Variants in PRKG1 observed in about 807,000 individuals in gnomAD.
PRKG1 encodes the protein protein kinase cGMP-dependent 1, also known as cGMP-dependent protein kinase 1.
A neutral mutation model predicts 88.1 loss-of-function variants in PRKG1; 35 were observed. That is an observed-to-expected ratio of 0.40 (90% CI 0.30 to 0.53). The LOEUF (loss-of-function observed/expected upper bound fraction) is 0.53. Ranked by LOEUF, PRKG1 falls within the 20% of genes least tolerant of loss-of-function variation. The probability of loss-of-function intolerance (pLI) is 0.59; values close to 1 mark genes in which losing one functional copy is unlikely to be tolerated. For missense variants in PRKG1, 540 were observed against 839.8 expected (o/e 0.64, Z 4.41); for synonymous variants, 303 against 292.5 (o/e 1.04, Z -0.37).
At chr10:51,036,109 C>T (rs1172982528) in intron 1 of PRKG1, among the ~76,000 whole-genome samples, 1 of 151,992 alleles carries the variant, frequency 6.6e-6, no homozygotes, top group East Asian at 1.9e-4. Context: ...CCTTGCTGTC[C>T]CCTTGCCTCT....
chr10:51,316,709 TAAAA>T (rs1841331165), intron 2 of PRKG1, among the ~76,000 whole-genome samples: 1 of 151,784 alleles, frequency 6.6e-6, no homozygotes, highest in Non-Finnish European at 1.5e-5. Flanking sequence ...AATAAATAAA[TAAAA>T]AGACAAAAAT....
intron 10 of PRKG1, among the ~76,000 whole-genome samples, chr10:52,268,978 G>T (rs185779136): frequency 5.3e-5 from 8 of 151,910 alleles, no homozygotes; most frequent in Non-Finnish European, 1.0e-4. Context: ...TGCTTAGACT[G>T]AGAGGGACTA....
intron 5 of PRKG1, among the ~76,000 whole-genome samples, chr10:51,932,441 A>G (rs1049420175): frequency 6.6e-6 from 1 of 152,168 alleles, no homozygotes; most frequent in Non-Finnish European, 1.5e-5. Flanking sequence ...GGACAACTCT[A>G]TGAAGTAAGT....
chr10:51,938,561 T>G (rs1037559994), intron 5 of PRKG1, among the ~76,000 whole-genome samples: 1 of 152,034 alleles, frequency 6.6e-6, no homozygotes, highest in Non-Finnish European at 1.5e-5. Flanking sequence ...TCTTAAGCAT[T>G]CCTTTCTTCT....
At chr10:51,937,356 C>T (rs939735571) in intron 5 of PRKG1, among the ~76,000 whole-genome samples, 4 of 152,034 alleles carry the variant, frequency 2.6e-5, no homozygotes, top group Non-Finnish European at 4.4e-5. Flanking sequence ...GACTCTCTCT[C>T]CTGCAATGTT....
At chr10:51,771,397 G>A (rs990674915) in intron 3 of PRKG1, among the ~76,000 whole-genome samples, 8 of 152,018 alleles carry the variant, frequency 5.3e-5, no homozygotes, top group South Asian at 2.1e-4. Flanking sequence ...TTTGCTTTCC[G>A]TTCTCTGGGT....
At chr10:50,994,168 A>T in intron 1 of PRKG1, among the ~76,000 whole-genome samples, 1 of 152,158 alleles carries the variant, frequency 6.6e-6, no homozygotes, top group South Asian at 2.1e-4. Context: ...TTTGACAGGT[A>T]TAATATATGG....
chr10:51,397,125 ATTTT>A (rs35688462), intron 2 of PRKG1, among the ~76,000 whole-genome samples: 7 of 126,084 alleles, frequency 5.6e-5, no homozygotes, highest in Admixed American at 8.1e-5. Context: ...ATTACTGAGT[ATTTT>A]TTTTTTTTTT....
At chr10:51,312,201 A>G (rs1360153258) in intron 2 of PRKG1, among the ~76,000 whole-genome samples, 1 of 152,158 alleles carries the variant, frequency 6.6e-6, no homozygotes, top group Non-Finnish European at 1.5e-5. Flanking sequence ...TCTCTTTGCA[A>G]CAACCTGAGT....
chr10:51,829,684 A>G (rs1839958211), intron 4 of PRKG1, among the ~76,000 whole-genome samples: 1 of 152,238 alleles, frequency 6.6e-6, no homozygotes, highest in Non-Finnish European at 1.5e-5. Flanking sequence ...ACACACACAC[A>G]TACATGTGTA....
chr10:51,813,304 T>C (rs541901054), intron 4 of PRKG1, among the ~76,000 whole-genome samples: 150 of 151,626 alleles, frequency 9.9e-4, no homozygotes, highest in Non-Finnish European at 1.9e-3. Flanking sequence ...CAATATCAAA[T>C]GGCAAATTTC....
At chr10:51,841,810 G>A (rs1840283603) in intron 4 of PRKG1, among the ~76,000 whole-genome samples, 1 of 152,102 alleles carries the variant, frequency 6.6e-6, no homozygotes, top group Non-Finnish European at 1.5e-5. Context: ...GGCCTCCTGA[G>A]TAGCTGGGAT....
chr10:51,009,706 C>T (rs1842972210), intron 1 of PRKG1, among the ~76,000 whole-genome samples: 1 of 152,106 alleles, frequency 6.6e-6, no homozygotes, highest in South Asian at 2.1e-4. Context: ...CTTTCTGGGT[C>T]TATTTAATTC....
At chr10:51,770,894 A>C (rs932987577) in intron 3 of PRKG1, among the ~76,000 whole-genome samples, 1 of 152,190 alleles carries the variant, frequency 6.6e-6, no homozygotes, top group African/African-American at 2.4e-5. Flanking sequence ...ATTGCTTAAC[A>C]AGAGGGATAT....
intron 5 of PRKG1, among the ~76,000 whole-genome samples, chr10:52,026,178 A>G (rs1845332350): frequency 2.0e-5 from 3 of 152,172 alleles, no homozygotes; most frequent in Admixed American, 6.5e-5. Context: ...TTATCTATGA[A>G]AAAATACCGT....
intron 3 of PRKG1, chr10:51,698,993 A>G: frequency 6.2e-7 from 1 of 1,614,232 alleles, no homozygotes; most frequent in Non-Finnish European, 8.5e-7. Flanking sequence ...TTTCAGAGCA[A>G]TCTCTGGATC....
upstream of PRKG1, among the ~76,000 whole-genome samples, chr10:51,073,123 G>C (rs934921235): frequency 1.3e-5 from 2 of 152,132 alleles, no homozygotes; most frequent in Non-Finnish European, 2.9e-5. Context: ...GTACGTATTA[G>C]GCAGATATTT....
chr10:51,172,467 A>G (rs4935013), intron 2 of PRKG1, among the ~76,000 whole-genome samples: 1 of 152,124 alleles, frequency 6.6e-6, no homozygotes, highest in Non-Finnish European at 1.5e-5. Flanking sequence ...CATATTATGA[A>G]TCTTTTGGAA....
chr10:51,406,457 A>G (rs1250032460), intron 2 of PRKG1, among the ~76,000 whole-genome samples: 1 of 152,202 alleles, frequency 6.6e-6, no homozygotes, highest in Admixed American at 6.5e-5. Context: ...CACTGGAGAT[A>G]GATAGTTTTC....
Sources: allele counts gnomAD v4.1 joint callset (sites outside exome capture counted in the v4.1 genomes callset), GRCh38; gene constraint gnomAD v4.1.1; transcripts MANE v1.5; gene names NCBI Gene and HGNC (gene_info 2026-07-23, HGNC 2026-07-21).